Variants in CENPQ observed in about 807,000 individuals in gnomAD.
CENPQ encodes chromosome 6 open reading frame 139.
Under a neutral mutation model 36.6 loss-of-function variants are expected in CENPQ, and 27 were observed. That is an observed-to-expected ratio of 0.74 (90% CI 0.54 to 1.02). The LOEUF (loss-of-function observed/expected upper bound fraction) is 1.02, where lower values mean the gene tolerates loss of function less well. CENPQ is among the 50% of genes least tolerant of loss of function. CENPQ has a pLI of 0.00. For missense variants in CENPQ, 306 were observed against 301.8 expected (o/e 1.01, Z -0.10); for synonymous variants, 101 against 101.7 (o/e 0.99, Z 0.04).
intron 1 of CENPQ, among the ~76,000 whole-genome samples, chr6:49,466,058 T>C (rs1268505914): frequency 6.6e-6 from 1 of 152,124 alleles, no homozygotes; most frequent in Non-Finnish European, 1.5e-5. Context: ...TAGAGGCCAT[T>C]GTAGGGTTAT....
At chr6:49,476,716 C>G (rs1266717036) in intron 5 of CENPQ, among the ~76,000 whole-genome samples, 1 of 151,952 alleles carries the variant, frequency 6.6e-6, no homozygotes, top group Non-Finnish European at 1.5e-5. Context: ...TGAACTCAAA[C>G]AAATTTACAA....
At chr6:49,473,778 CAT>C (rs541095764) in intron 5 of CENPQ, among the ~76,000 whole-genome samples, 1 of 152,140 alleles carries the variant, frequency 6.6e-6, no homozygotes, top group Non-Finnish European at 1.5e-5. Context: ...AGACCCATCT[CAT>C]GTGCAGAGAT....
intron 1 of CENPQ, among the ~76,000 whole-genome samples, chr6:49,466,889 A>G (rs920629426): frequency 6.6e-6 from 1 of 152,198 alleles, no homozygotes; most frequent in Non-Finnish European, 1.5e-5. Flanking sequence ...TGGAGCTTGA[A>G]CAATTTACCC....
intron 4 of CENPQ, 45 bp downstream of exon 4, chr6:49,472,228 G>A (rs1403064843): frequency 6.7e-7 from 1 of 1,503,004 alleles, no homozygotes; most frequent in East Asian, 2.4e-5. Context: ...TTCCCATTTA[G>A]GTGTTTCCTA....
In CENPQ at chr6:49,481,042, C is replaced by T. The variant is rs758745626; in HGVS notation, c.439C>T (p.Arg147Ter). 23 of 1,608,618 alleles carry T rather than the reference C, an allele frequency of 1.4e-5. No homozygotes were observed. Among genetic ancestry groups the T allele is most frequent in the East Asian group, 6.7e-5 (3 of 44,716 alleles). ...VSSLLNMERA[R>*]DKANEEGLAL... is the part of the protein sequence containing the mutation. ...AAGTCTACTGAATATGGAAAGGGCA[C>T]GAGACAAAGCTAATGAAGAAGGTCT... is the stretch of plus-strand genomic sequence containing the variant. The change falls in exon 6 of 9, where the codon CGA (arginine) becomes TGA (stop). Residue 147 changes from arginine to a stop codon, truncating the protein, a stop_gained. Transcript: ENST00000335783. LOFTEE classifies it high-confidence loss of function.
chr6:49,484,100 C>T (rs553596119), intron 6 of CENPQ, among the ~76,000 whole-genome samples: 1 of 152,296 alleles, frequency 6.6e-6, no homozygotes, highest in South Asian at 2.1e-4. Flanking sequence ...TTTTTCTGAC[C>T]TGTGTATGGC....
At chr6:49,482,235 A>G (rs1768452573) in intron 6 of CENPQ, among the ~76,000 whole-genome samples, 1 of 152,186 alleles carries the variant, frequency 6.6e-6, no homozygotes, top group Admixed American at 6.5e-5. Context: ...TGAGGGAGCC[A>G]GCTCCGGCCT....
intron 6 of CENPQ, among the ~76,000 whole-genome samples, chr6:49,483,783 C>G (rs969175702): frequency 6.6e-6 from 1 of 152,238 alleles, no homozygotes; most frequent in Non-Finnish European, 1.5e-5. Context: ...GCCCCGGTTC[C>G]CGCTCGCGCC....
intron 2 of CENPQ, 67 bp from the exon 3 acceptor site, chr6:49,470,907 T>C: frequency 1.1e-6 from 1 of 898,126 alleles, no homozygotes; most frequent in South Asian, 2.6e-5. Flanking sequence ...AAATCTATTG[T>C]AAAAGCAGGA....
chr6:49,467,867 G>C (rs1768038754), intron 1 of CENPQ, among the ~76,000 whole-genome samples: 1 of 152,134 alleles, frequency 6.6e-6, no homozygotes, highest in South Asian at 2.1e-4. Flanking sequence ...AGACAGAAGA[G>C]AGCTGCTCAG....
intron 1 of CENPQ, among the ~76,000 whole-genome samples, chr6:49,467,648 G>A (rs1169275477): frequency 2.6e-5 from 4 of 152,110 alleles, no homozygotes; most frequent in Admixed American, 1.3e-4. Flanking sequence ...ACTTGATTAT[G>A]GCAAACAGTT....
intron 6 of CENPQ, among the ~76,000 whole-genome samples, chr6:49,487,060 T>A (rs1165709433): frequency 1.2e-5 from 1 of 84,586 alleles, no homozygotes; most frequent in East Asian, 3.5e-4. Context: ...GGCTGAGGCA[T>A]GAGAATCACT....
intron 1 of CENPQ, among the ~76,000 whole-genome samples, chr6:49,466,305 A>G (rs529780506): frequency 6.6e-5 from 10 of 152,370 alleles, no homozygotes; most frequent in African/African-American, 2.4e-4. Flanking sequence ...AGAGTTATCA[A>G]AATATGACAC....
At chr6:49,469,839 A>G (rs1024229251) in intron 1 of CENPQ, among the ~76,000 whole-genome samples, 4 of 152,190 alleles carry the variant, frequency 2.6e-5, no homozygotes, top group African/African-American at 9.7e-5. Flanking sequence ...GGATGTTATC[A>G]TACGATAGAG....
rs559869048 is a variant in CENPQ at position 49,493,010 on chromosome 6, A to G, written c.*735A>G. On this transcript the variant is annotated 3_prime_UTR_variant, in exon 9 of 9. Coordinates refer to ENST00000335783, the MANE Select transcript of CENPQ (RefSeq NM_018132.4). ...TATATATGTGAATAAGTTATAACCTAGTGTATAAAAAATTATTTCTAACAA... is the reference window on the plus strand; with the variant it reads ...TATATATGTGAATAAGTTATAACCTGGTGTATAAAAAATTATTTCTAACAA... The G allele has an allele frequency of 3.3e-5, 5 of 151,682 alleles. No individual in the cohort carries two copies. The East Asian group carries it at 9.7e-4, about 29-fold the overall frequency. The allele number at this position is 151,682 out of a possible 1,614,324, so 9.4% of individuals were successfully genotyped here. A position where few individuals can be genotyped will look rare whatever the true frequency, so the allele number is the denominator to read the frequency against.
intron 8 of CENPQ, among the ~76,000 whole-genome samples, chr6:49,491,042 T>C (rs533682088): frequency 9.9e-5 from 15 of 152,266 alleles, no homozygotes; most frequent in Admixed American, 2.0e-4. Flanking sequence ...AAAATGGTGC[T>C]GATAGACCTC....
intron 6 of CENPQ, among the ~76,000 whole-genome samples, chr6:49,483,423 C>G (rs1169176438): frequency 1.3e-5 from 2 of 152,190 alleles, no homozygotes; most frequent in African/African-American, 4.8e-5. Context: ...TGCGCCCGCA[C>G]TCCTCAGCCC....
chr6:49,468,097 C>T (rs1406730150), intron 1 of CENPQ, among the ~76,000 whole-genome samples: 1 of 152,010 alleles, frequency 6.6e-6, no homozygotes, highest in Non-Finnish European at 1.5e-5. Context: ...TTAATTTGTT[C>T]CAAAATTTGG....
At position 49,490,951 on chromosome 6, in the gene CENPQ, G is replaced by A. The variant is rs149087949; in HGVS notation, c.676-1193G>A. The stretch of plus-strand genomic sequence containing the variant: ...GGCATAGATCACCATAACAGATACC[G>A]TAATAATTTTTAAAGTTTGAACTAT... On this transcript the variant is annotated intron_variant, in intron 8 of 8. Coordinates refer to ENST00000335783, the MANE Select transcript of CENPQ (RefSeq NM_018132.4). 9.2e-5 allele frequency among the ~76,000 whole-genome samples: 14 copies of A among 152,282 alleles called. No individual in the cohort carries two copies. The East Asian group carries it at 2.1e-3, about 23-fold the overall frequency.
Sources: gnomAD v4.1 joint callset for allele counts (sites outside exome capture counted in the v4.1 genomes callset) on GRCh38, gnomAD v4.1.1 for gene constraint, MANE v1.5 for transcripts, NCBI Gene and HGNC (gene_info 2026-07-23, HGNC 2026-07-21) for gene names.